The following SATB1 variants were observed in gnomAD, a reference collection of about 807,000 sequenced individuals.
SATB1 encodes DNA-binding protein SATB1.
In SATB1, 11 loss-of-function variants were observed where a neutral mutation model predicts 86.9. The observed-to-expected ratio is 0.13, with a 90% confidence interval of 0.08 to 0.21. SATB1 has a LOEUF of 0.21. Ranked by LOEUF, SATB1 falls within the 10% of genes least tolerant of loss-of-function variation. The pLI, the probability that SATB1 is intolerant of heterozygous loss-of-function variation, is 1.00. For missense variants in SATB1, 551 were observed against 937.6 expected, an observed-to-expected ratio of 0.59 and a Z score of 5.39; for synonymous variants, 357 against 357.2, an observed-to-expected ratio of 1.00 and a Z score of 0.01.
At chr3:18,408,894 A>G (rs1463710138) in intron 5 of SATB1, 1 of 151,992 alleles carries the variant, frequency 6.6e-6, no homozygotes, top group East Asian at 1.9e-4. Flanking sequence ...TGTTTTTTAA[A>G]ACCATTAGAA....
chr3:18,399,275 G>T (rs1697122917), intron 5 of SATB1, among the ~76,000 whole-genome samples: 1 of 152,138 alleles, frequency 6.6e-6, no homozygotes, highest in African/African-American at 2.4e-5. Flanking sequence ...ATGCCTGGCT[G>T]GTAGTAAGGA....
chr3:18,441,155 C>T (rs1034489131), upstream of SATB1, among the ~76,000 whole-genome samples: 2 of 152,140 alleles, frequency 1.3e-5, no homozygotes, highest in African/African-American at 2.4e-5. Flanking sequence ...CTGAGAGAAG[C>T]GGCAAGTTTG....
At position 18,378,095 on chromosome 3, in the gene SATB1, A is replaced by C. The variant is rs1008764486; in HGVS notation, c.1575+75T>G. On this transcript the variant is annotated intron_variant, in intron 9 of 10. Coordinates refer to ENST00000338745, the MANE Select transcript of SATB1 (RefSeq NM_002971.6). Reference sequence around the variant, plus strand: ...CTCCGTGATGCAAGTTCATACTGAAAATAGACACTCCTTTTAATGAAAATT... The same window carrying C: ...CTCCGTGATGCAAGTTCATACTGAACATAGACACTCCTTTTAATGAAAATT... 7.7e-6 allele frequency: 10 copies of C among 1,299,470 alleles called. 1 individual carries two copies. Among genetic ancestry groups the C allele is most frequent in the Admixed American group, 2.8e-5 (1 of 36,142 alleles). 80.5% of individuals were successfully genotyped at this position (1,299,470 alleles called of 1,614,324 possible).
At chr3:18,360,122 T>G (rs1698740186) in intron 9 of SATB1, among the ~76,000 whole-genome samples, 1 of 152,130 alleles carries the variant, frequency 6.6e-6, no homozygotes, top group African/African-American at 2.4e-5. Flanking sequence ...ACCAGTGTCA[T>G]CACACAGAGT....
At chr3:18,369,593 T>C (rs1364348916) in intron 9 of SATB1, among the ~76,000 whole-genome samples, 1 of 152,084 alleles carries the variant, frequency 6.6e-6, no homozygotes, top group African/African-American at 2.4e-5. Context: ...TGGTTTTCAT[T>C]TGTGAAAAAT....
At chr3:18,410,265 TAGAGA>T (rs2125147312) in intron 5 of SATB1, among the ~76,000 whole-genome samples, 1 of 152,214 alleles carries the variant, frequency 6.6e-6, no homozygotes, top group African/African-American at 2.4e-5. Flanking sequence ...ATCACTACTT[TAGAGA>T]AATCAAAGCA....
chr3:18,443,584 CCT>C (rs1699296447), upstream of SATB1, among the ~76,000 whole-genome samples: 1 of 152,204 alleles, frequency 6.6e-6, no homozygotes, highest in Non-Finnish European at 1.5e-5. This position sits in a 1 kb window ranked among gnomAD's most constrained non-coding sequence, Gnocchi z 4.4. Context: ...GCCCCTTTCC[CCT>C]GTTGGTCTTC....
chr3:18,430,650 G>A (rs1698858668), intron 2 of SATB1, among the ~76,000 whole-genome samples: 1 of 152,154 alleles, frequency 6.6e-6, no homozygotes, highest in African/African-American at 2.4e-5. Flanking sequence ...AGAGAATAAT[G>A]GCAAAAAGCT....
At chr3:18,351,731 A>T in intron 10 of SATB1, 1 of 534,728 alleles carries the variant, frequency 1.9e-6, no homozygotes, top group Non-Finnish European at 3.3e-6. Context: ...ACCAACAAAG[A>T]CACATTTGCC....
intron 1 of SATB1, among the ~76,000 whole-genome samples, chr3:18,438,297 C>A (rs1490887758): frequency 2.6e-5 from 4 of 152,056 alleles, no homozygotes; most frequent in Non-Finnish European, 5.9e-5. Flanking sequence ...AAGAATGCCC[C>A]CTCACACAGA....
chr3:18,385,627 G>A (rs199606299), intron 8 of SATB1, among the ~76,000 whole-genome samples: 363 of 144,640 alleles, frequency 2.5e-3, no homozygotes, highest in Middle Eastern at 3.6e-3. Context: ...CATCTCAAAA[G>A]AAAAAAAAAA....
chr3:18,396,433 C>T (rs192283945), intron 6 of SATB1, among the ~76,000 whole-genome samples: 32 of 152,148 alleles, frequency 2.1e-4, no homozygotes, highest in Non-Finnish European at 4.4e-4. Flanking sequence ...AAAACATTAA[C>T]CTTAATCACA....
intron 1 of SATB1, among the ~76,000 whole-genome samples, chr3:18,437,807 A>C (rs73040353): frequency 0.013 from 2,035 of 152,298 alleles, 13 homozygotes; most frequent in Non-Finnish European, 0.023. Flanking sequence ...TACAATGGGA[A>C]GCATTTGGAT....
chr3:18,393,324 GTTTGT>G (rs1234336528), intron 7 of SATB1, among the ~76,000 whole-genome samples: 3 of 144,412 alleles, frequency 2.1e-5, no homozygotes, highest in Non-Finnish European at 4.6e-5. Flanking sequence ...TTTCGTTTTT[GTTTGT>G]TTTTTGGTTT....
intron 9 of SATB1, among the ~76,000 whole-genome samples, chr3:18,354,975 G>A (rs1694559092): frequency 6.6e-6 from 1 of 151,972 alleles, no homozygotes; most frequent in African/African-American, 2.4e-5. Flanking sequence ...ATTAACCTCT[G>A]CCCTTAAATA....
At chr3:18,360,793 T>C (rs937044191) in intron 9 of SATB1, among the ~76,000 whole-genome samples, 1 of 152,126 alleles carries the variant, frequency 6.6e-6, no homozygotes, top group Non-Finnish European at 1.5e-5. Context: ...TAAACTTTAC[T>C]GAAAGCACTT....
intron 2 of SATB1, 176 bp downstream of exon 2, chr3:18,420,581 G>C (rs959230969): frequency 1.1e-5 from 7 of 616,066 alleles, no homozygotes; most frequent in Non-Finnish European, 1.5e-5. Flanking sequence ...AAGCATGGAG[G>C]CTATACTTTC....
At chr3:18,360,245 T>C (rs978243791) in intron 9 of SATB1, among the ~76,000 whole-genome samples, 16 of 152,284 alleles carry the variant, frequency 1.1e-4, no homozygotes, top group African/African-American at 3.6e-4. Context: ...CTCTTAACCA[T>C]GTTTGTGATA....
At chr3:18,441,436 G>T (rs577590087), upstream of SATB1, among the ~76,000 whole-genome samples, 1 of 152,158 alleles carries the variant, frequency 6.6e-6, no homozygotes, top group South Asian at 2.1e-4. Flanking sequence ...AAACATTTTT[G>T]CATTCAACTA....
Sources: allele counts gnomAD v4.1 joint callset (sites outside exome capture counted in the v4.1 genomes callset), GRCh38; gene constraint gnomAD v4.1.1; non-coding constraint Gnocchi (gnomAD v3.1); transcripts MANE v1.5; gene names NCBI Gene and HGNC (gene_info 2026-07-23, HGNC 2026-07-21).